The following SLC26A7 variants were observed in gnomAD, a reference collection of about 807,000 sequenced individuals.
The protein encoded by SLC26A7 is anion exchange transporter.
Under a neutral mutation model 82.5 loss-of-function variants are expected in SLC26A7, and 59 were observed. The observed-to-expected ratio is 0.72, with a 90% CI of 0.58 to 0.89. The LOEUF (loss-of-function observed/expected upper bound fraction) is 0.89. Ranked by LOEUF, SLC26A7 falls within the 40% of genes least tolerant of loss-of-function variation. The pLI, the probability that SLC26A7 is intolerant of heterozygous loss-of-function variation, is 0.00. For missense variants in SLC26A7, 820 were observed against 793.0 expected (o/e 1.03, Z -0.41); for synonymous variants, 271 against 274.3 (o/e 0.99, Z 0.12).
At chr8:91,248,698 A>G (rs1159001500), upstream of SLC26A7, among the ~76,000 whole-genome samples, 2 of 152,188 alleles carry the variant, frequency 1.3e-5, no homozygotes, top group Non-Finnish European at 2.9e-5. Flanking sequence ...GCACCATAAA[A>G]AAAGCTAAGG....
chr8:91,244,320 CCTCTTCCTTTTCTT>C (rs1329630509), upstream of SLC26A7, among the ~76,000 whole-genome samples: 1 of 151,812 alleles, frequency 6.6e-6, no homozygotes, highest in African/African-American at 2.4e-5. Flanking sequence ...CTTCCTTTCT[CCTCTTCCTTTTCTT>C]CTTCTTTTCC....
chr8:91,339,370 C>A (rs1276465392), intron 7 of SLC26A7, among the ~76,000 whole-genome samples: 2 of 152,038 alleles, frequency 1.3e-5, no homozygotes, highest in Non-Finnish European at 2.9e-5. Flanking sequence ...GGAATTATAA[C>A]AAGAACATGG....
chr8:91,372,827 T>C (rs1158018947), intron 15 of SLC26A7, among the ~76,000 whole-genome samples: 3 of 151,958 alleles, frequency 2.0e-5, no homozygotes, highest in Non-Finnish European at 4.4e-5. Context: ...TGGTAGTAAT[T>C]TTAATGACAT....
intron 2 of SLC26A7, among the ~76,000 whole-genome samples, chr8:91,279,125 G>GTGTATATATATATATATA (rs1382744780): frequency 9.0e-6 from 1 of 111,262 alleles, no homozygotes; most frequent in African/African-American, 3.5e-5. Context: ...GTGTGTGTGT[G>GTGTATATATATATATATA]TATATATATA....
intron 14 of SLC26A7, among the ~76,000 whole-genome samples, chr8:91,368,413 G>GTTTTTTTTT (rs565439844): frequency 2.1e-5 from 3 of 144,990 alleles, no homozygotes; most frequent in African/African-American, 5.1e-5. Flanking sequence ...TTCAGATGAG[G>GTTTTTTTTT]TTTTTTTTTT....
intron 2 of SLC26A7, among the ~76,000 whole-genome samples, chr8:91,240,533 G>C (rs1393951028): frequency 1.3e-5 from 2 of 152,106 alleles, no homozygotes; most frequent in Non-Finnish European, 2.9e-5. Context: ...CAATAAATGA[G>C]AAACTTATAA....
At chr8:91,261,754 C>T (rs1810972036) in intron 2 of SLC26A7, among the ~76,000 whole-genome samples, 2 of 152,098 alleles carry the variant, frequency 1.3e-5, no homozygotes, top group South Asian at 4.1e-4. Context: ...CATTGTCCCA[C>T]TTAATCAGCT....
upstream of SLC26A7, among the ~76,000 whole-genome samples, chr8:91,245,429 A>G (rs190858826): frequency 2.2e-4 from 33 of 152,304 alleles, no homozygotes; most frequent in Non-Finnish European, 2.9e-5. Context: ...GATACAAATT[A>G]CGCAATTGTG....
At chr8:91,296,950 A>C (rs1812033298) in intron 4 of SLC26A7, among the ~76,000 whole-genome samples, 1 of 152,162 alleles carries the variant, frequency 6.6e-6, no homozygotes, top group African/African-American at 2.4e-5. Flanking sequence ...CCATCTCAGA[A>C]ATAATCAGCC....
chr8:91,324,449 A>G (rs1348216658), intron 5 of SLC26A7, among the ~76,000 whole-genome samples: 1 of 152,202 alleles, frequency 6.6e-6, no homozygotes, highest in Non-Finnish European at 1.5e-5. Flanking sequence ...AAAGGTTCCA[A>G]GGATGTGAAA....
At chr8:91,221,584 G>T (rs1810161124) in intron 2 of SLC26A7, among the ~76,000 whole-genome samples, 1 of 151,744 alleles carries the variant, frequency 6.6e-6, no homozygotes, top group Admixed American at 6.6e-5. Context: ...TCAGTGTTCT[G>T]CATATGGCTA....
chr8:91,361,678 G>T (rs1432727475), intron 11 of SLC26A7, among the ~76,000 whole-genome samples: 2 of 152,056 alleles, frequency 1.3e-5, no homozygotes, highest in Non-Finnish European at 2.9e-5. Flanking sequence ...ATTTTAAGTG[G>T]TGAACAAAAC....
At position 91,398,120 on chromosome 8, in the gene SLC26A7, G is replaced by A. The variant is rs1381510214; in HGVS notation, c.*3023G>A. 6.6e-6 allele frequency: 1 copy of A among 152,342 alleles called. No individual in the cohort carries two copies. The highest frequency in any genetic ancestry group is 6.6e-5 in the Admixed American group (1 of 15,232). The allele number at this position is 152,342 out of a possible 1,614,324, so 9.4% of individuals were successfully genotyped here. A position where few individuals can be genotyped will look rare whatever the true frequency, so the allele number is the denominator to read the frequency against. ...CAGCATGTAACAACCAATTTACATG[G>A]AAATAAATCGAAATATGATAACTAT... On this transcript the variant is annotated 3_prime_UTR_variant, in exon 19 of 19. Transcript: ENST00000276609.
chr8:91,230,439 C>T (rs1810296219), intron 2 of SLC26A7, among the ~76,000 whole-genome samples: 3 of 152,214 alleles, frequency 2.0e-5, no homozygotes, highest in Admixed American at 2.0e-4. Context: ...TGCTCTGAAG[C>T]TCCCATGCTA....
intron 2 of SLC26A7, among the ~76,000 whole-genome samples, chr8:91,256,246 AT>A (rs1810799324): frequency 6.6e-6 from 1 of 152,136 alleles, no homozygotes; most frequent in South Asian, 2.1e-4. Flanking sequence ...TTTTAAAAAA[AT>A]GTTGCGGTTT....
At chr8:91,303,432 G>A (rs184787148) in intron 4 of SLC26A7, among the ~76,000 whole-genome samples, 15 of 152,260 alleles carry the variant, frequency 9.9e-5, no homozygotes, top group Admixed American at 5.2e-4. Flanking sequence ...TTCTGCCATG[G>A]GGAAATCTAG....
At chr8:91,300,958 A>T (rs1352911668) in intron 4 of SLC26A7, among the ~76,000 whole-genome samples, 6 of 152,244 alleles carry the variant, frequency 3.9e-5, no homozygotes, top group Non-Finnish European at 8.8e-5. Context: ...ACTAGAAAAA[A>T]TGTTGAATAT....
Position 91,302,818 on chromosome 8 carries a change from C to CTTTTT in SLC26A7, c.477+7127_477+7131dup, listed in dbSNP as rs11333572. On this transcript the variant is annotated intron_variant, in intron 4 of 18. Transcript: ENST00000276609. ...TGAATGTAATGTCCCTTCCCCTTCT[C>CTTTTT]TTTTTTTTTTTTTTTTGGTCTGGTT... 4.3e-3 allele frequency among the ~76,000 whole-genome samples: 563 copies of CTTTTT among 129,592 alleles called. 3 individuals are homozygous for CTTTTT. Among genetic ancestry groups the CTTTTT allele is most frequent in the South Asian group, 0.015 (60 of 4,060 alleles). The allele number at this position is 129,592 out of a possible 152,430, so 85.0% of individuals were successfully genotyped here.
intron 3 of SLC26A7, among the ~76,000 whole-genome samples, chr8:91,291,858 T>C (rs1811878485): frequency 6.6e-6 from 1 of 152,250 alleles, no homozygotes; most frequent in African/African-American, 2.4e-5. Flanking sequence ...AGCCGGAGAC[T>C]AATTCTGATT....
Sources: allele counts gnomAD v4.1 joint callset (sites outside exome capture counted in the v4.1 genomes callset), GRCh38; gene constraint gnomAD v4.1.1; transcripts MANE v1.5; gene names NCBI Gene and HGNC (gene_info 2026-07-23, HGNC 2026-07-21).